Variants in ARHGAP26 observed in about 807,000 individuals in gnomAD.
The protein encoded by ARHGAP26 is rho GTPase-activating protein 26.
ARHGAP26 carries 38 observed loss-of-function variants against 104.8 expected under a neutral mutation model. That is an observed-to-expected ratio of 0.36 (90% CI 0.28 to 0.48). The LOEUF is 0.48. Among genes scored for constraint, ARHGAP26 ranks in the 20% least tolerant of loss-of-function variants. The probability of loss-of-function intolerance (pLI) is 0.99; values close to 1 mark genes in which losing one functional copy is unlikely to be tolerated. For missense variants in ARHGAP26, 704 were observed against 947.9 expected (o/e 0.74, Z 3.38); for synonymous variants, 341 against 340.0 (o/e 1.00, Z -0.03).
At chr5:142,785,098 T>G (rs143546669) in intron 1 of ARHGAP26, among the ~76,000 whole-genome samples, 53 of 152,056 alleles carry the variant, frequency 3.5e-4, no homozygotes, top group African/African-American at 1.2e-3. Flanking sequence ...GCCCGGCTAA[T>G]TTTTTGTATT....
At chr5:142,888,744 A>AT (rs2152415039) in intron 5 of ARHGAP26, among the ~76,000 whole-genome samples, 1 of 152,334 alleles carries the variant, frequency 6.6e-6, no homozygotes, top group East Asian at 1.9e-4. Flanking sequence ...CTCGCCTCAA[A>AT]AACAGTAGTC....
intron 6 of ARHGAP26, among the ~76,000 whole-genome samples, chr5:142,897,050 C>T (rs540187361): frequency 9.9e-5 from 15 of 152,052 alleles, no homozygotes; most frequent in African/African-American, 3.1e-4. Context: ...TATTGAATAC[C>T]GTAGAAAATG....
chr5:143,157,280 A>T (rs1800598625), intron 20 of ARHGAP26, among the ~76,000 whole-genome samples: 1 of 151,140 alleles, frequency 6.6e-6, no homozygotes, highest in African/African-American at 2.4e-5. Context: ...GGGTTCAAGC[A>T]ATTCTCCCAC....
chr5:142,992,437 T>A (rs559195196), intron 11 of ARHGAP26, among the ~76,000 whole-genome samples: 490 of 151,294 alleles, frequency 3.2e-3, no homozygotes, highest in Non-Finnish European at 5.7e-3. Context: ...TATTTTATTT[T>A]TTATTTTTTT....
intron 20 of ARHGAP26, among the ~76,000 whole-genome samples, chr5:143,201,881 T>C (rs1261852551): frequency 1.3e-5 from 2 of 152,192 alleles, no homozygotes; most frequent in African/African-American, 2.4e-5. Context: ...CATAATTCCT[T>C]TAGTCATTTA....
chr5:142,879,638 G>A (rs539120690), intron 4 of ARHGAP26, among the ~76,000 whole-genome samples, 193 bp downstream of exon 4: 1 of 152,350 alleles, frequency 6.6e-6, no homozygotes, highest in South Asian at 2.1e-4. Context: ...ACGACCATCT[G>A]AGCCGTCAAC....
chr5:143,085,679 A>G (rs998231573), intron 17 of ARHGAP26, among the ~76,000 whole-genome samples: 7 of 152,256 alleles, frequency 4.6e-5, no homozygotes, highest in Admixed American at 2.6e-4. Flanking sequence ...CAGCAGATGC[A>G]GAGCGCTCCA....
chr5:143,013,133 T>A (rs2152817052), intron 11 of ARHGAP26, among the ~76,000 whole-genome samples: 1 of 152,320 alleles, frequency 6.6e-6, no homozygotes, highest in South Asian at 2.1e-4. Context: ...GAATACTAAC[T>A]TTGAGTACCA....
At chr5:143,040,832 T>A (rs1359651792) in intron 13 of ARHGAP26, among the ~76,000 whole-genome samples, 1 of 152,214 alleles carries the variant, frequency 6.6e-6, no homozygotes, top group Non-Finnish European at 1.5e-5. Flanking sequence ...GCAGAATGCA[T>A]GTGGTCAATG....
chr5:142,885,177 C>A, intron 4 of ARHGAP26, 121 bp from the exon 5 acceptor site: 1 of 766,630 alleles, frequency 1.3e-6, no homozygotes, highest in Non-Finnish European at 2.2e-6. Context: ...TGGGCATTAC[C>A]TGAAAAGTAG....
In ARHGAP26 at chr5:142,872,027, C is replaced by A. The variant is rs570928285; in HGVS notation, c.155-1373C>A. Among the ~76,000 whole-genome samples the A allele has an allele frequency of 2.0e-5, 3 of 152,276 alleles. No homozygotes were observed. The South Asian group carries it at 6.2e-4, about 32-fold the overall frequency. ...CTGCTGTCCATGCAGTAGCTTGAGC[C>A]CTGGTCCTGAGAACAGCAGCACAGC... is the stretch of plus-strand genomic sequence containing the variant. On this transcript the variant is annotated intron_variant, in intron 1 of 22. Coordinates refer to ENST00000645722, the MANE Select transcript of ARHGAP26 (RefSeq NM_001135608.3).
In ARHGAP26 at chr5:142,884,449, C is replaced by G. The variant is rs184287917; in HGVS notation, c.385-849C>G. ...AAGACAATAATACGGCTAATAATTT[C>G]TTAAAGAGAAGAGAAAAATAACTGT... On this transcript the variant is annotated intron_variant, in intron 4 of 22. Coordinates refer to ENST00000645722, the MANE Select transcript of ARHGAP26 (RefSeq NM_001135608.3). 1.1e-4 allele frequency among the ~76,000 whole-genome samples: 16 copies of G among 152,266 alleles called. No homozygotes were observed. In the East Asian group the frequency reaches 2.5e-3, roughly 24 times the overall value.
In ARHGAP26 at chr5:143,087,695, G is replaced by C. The variant is rs527552484; in HGVS notation, c.1538+29948G>C. ...AGTTTTGCTCTTGTTGCCCAGGCTG[G>C]AGTGCAATGGTGCGATCTCGGCTCA... On this transcript the variant is annotated intron_variant, in intron 17 of 22. Coordinates refer to ENST00000645722, the MANE Select transcript of ARHGAP26 (RefSeq NM_001135608.3). Among the ~76,000 whole-genome samples, 13 of 137,284 alleles carry C rather than the reference G, an allele frequency of 9.5e-5. No homozygotes were observed. In the South Asian group the frequency reaches 2.9e-3, roughly 31 times the overall value. 90.1% of individuals were successfully genotyped at this position (137,284 alleles called of 152,430 possible).
rs76280036 is a variant in ARHGAP26, at chr5:142,897,219, G to A, written c.597+2871G>A. Among the ~76,000 whole-genome samples the A allele has an allele frequency of 3.0e-3, 457 of 152,278 alleles. 12 individuals carry two copies. In the East Asian group the frequency reaches 0.046, roughly 15 times the overall value. ...AGAGGGATTTAAAAGTATAACCATC[G>A]TAGTGTGCAGATGTTTTTCAGTTCA... On this transcript the variant is annotated intron_variant, in intron 6 of 22. Coordinates refer to ENST00000645722, the MANE Select transcript of ARHGAP26 (RefSeq NM_001135608.3).
chr5:142,801,536 A>G (rs1254365585), intron 1 of ARHGAP26, among the ~76,000 whole-genome samples: 1 of 152,060 alleles, frequency 6.6e-6, no homozygotes, highest in Non-Finnish European at 1.5e-5. Context: ...TCTTTTTGAG[A>G]AAAAGAGTGG....
At chr5:143,043,594 G>A (rs938491008) in intron 14 of ARHGAP26, among the ~76,000 whole-genome samples, 1 of 152,174 alleles carries the variant, frequency 6.6e-6, no homozygotes, top group Non-Finnish European at 1.5e-5. Context: ...TGGCGATAGG[G>A]TCAATTTTTG....
intron 20 of ARHGAP26, among the ~76,000 whole-genome samples, chr5:143,151,702 T>C (rs1799863028): frequency 6.6e-6 from 1 of 152,150 alleles, no homozygotes; most frequent in Non-Finnish European, 1.5e-5. Flanking sequence ...ACACCTGTAA[T>C]CCCAGCACTT....
At chr5:143,176,550 T>A (rs1224493494) in intron 20 of ARHGAP26, among the ~76,000 whole-genome samples, 1 of 152,156 alleles carries the variant, frequency 6.6e-6, no homozygotes, top group Non-Finnish European at 1.5e-5. Context: ...GACATAGAAG[T>A]CCTTTCACCA....
chr5:142,824,801 G>A (rs1235081574), intron 1 of ARHGAP26, among the ~76,000 whole-genome samples: 1 of 152,200 alleles, frequency 6.6e-6, no homozygotes, highest in Admixed American at 6.5e-5. Context: ...AATGGGCAGG[G>A]CACCAAGAGT....
Sources: gnomAD v4.1 joint callset for allele counts (sites outside exome capture counted in the v4.1 genomes callset) on GRCh38, gnomAD v4.1.1 for gene constraint, MANE v1.5 for transcripts, NCBI Gene and HGNC (gene_info 2026-07-23, HGNC 2026-07-21) for gene names.